The following FAR2 variants were observed in gnomAD, a reference collection of about 807,000 sequenced individuals.
FAR2 encodes epididymis secretory protein Li 81.
Under a neutral mutation model 56.0 loss-of-function variants are expected in FAR2, and 19 were observed. The observed-to-expected ratio is 0.34, with a 90% confidence interval of 0.24 to 0.50. The LOEUF (loss-of-function observed/expected upper bound fraction) is 0.50. Ranked by LOEUF, FAR2 falls within the 20% of genes least tolerant of loss-of-function variation. The pLI, the probability that FAR2 is intolerant of heterozygous loss-of-function variation, is 0.98. For missense variants in FAR2, 508 were observed against 642.2 expected, an observed-to-expected ratio of 0.79 and a Z score of 2.26; for synonymous variants, 219 against 218.8, an observed-to-expected ratio of 1.00 and a Z score of -0.01.
chr12:29,326,791 A>G (rs1949655453), intron 10 of FAR2, among the ~76,000 whole-genome samples: 1 of 152,078 alleles, frequency 6.6e-6, no homozygotes, highest in South Asian at 2.1e-4. Context: ...CCCACAGCCA[A>G]TATCATACTG....
chr12:29,271,031 G>A (rs1329125758), intron 2 of FAR2, among the ~76,000 whole-genome samples: 1 of 152,038 alleles, frequency 6.6e-6, no homozygotes, highest in Admixed American at 6.6e-5. Flanking sequence ...CTATTCTATT[G>A]CTTAGGGAGC....
rs777960591 is a variant in FAR2, at chr12:29,311,232, T to C, written c.887+86T>C. 3.6e-4 allele frequency: 324 copies of C among 901,828 alleles called. 4 individuals carry two copies. Among genetic ancestry groups the C allele is most frequent in the South Asian group, 1.4e-3 (103 of 72,526 alleles). 55.9% of individuals were successfully genotyped at this position (901,828 alleles called of 1,614,324 possible). ...CCATTTTCCAAATATAGGCATTTCA[T>C]TGTACAAGACCCCAAATGTGTGAAA... On this transcript the variant is annotated intron_variant, in intron 7 of 11. Transcript: ENST00000536681.
chr12:29,191,960 C>T (rs560859259), intron 1 of FAR2, among the ~76,000 whole-genome samples: 2 of 152,028 alleles, frequency 1.3e-5, no homozygotes, highest in South Asian at 4.1e-4. Flanking sequence ...GACTACTACT[C>T]CTTTAAAATA....
Position 29,284,060 on chromosome 12 carries a change from T to C in FAR2, c.190-9240T>C, listed in dbSNP as rs117790964. 5.9e-3 allele frequency among the ~76,000 whole-genome samples: 893 copies of C among 152,266 alleles called. 1 individual carries two copies. Among genetic ancestry groups the C allele is most frequent in the Non-Finnish European group, 9.9e-3 (670 of 67,998 alleles). On this transcript the variant is annotated intron_variant, in intron 2 of 11. Coordinates refer to ENST00000536681, the MANE Select transcript of FAR2 (RefSeq NM_001271783.2). ...AACAACCATGTCCCACGTCTATCTG[T>C]TTAGGATCTTAAGTTGCTAATAATC...
At chr12:29,167,021 C>G (rs1299755747) in intron 1 of FAR2, among the ~76,000 whole-genome samples, 1 of 152,150 alleles carries the variant, frequency 6.6e-6, no homozygotes, top group Non-Finnish European at 1.5e-5. Flanking sequence ...TATTCCTACC[C>G]TTTTTATTTG....
intron 9 of FAR2, among the ~76,000 whole-genome samples, chr12:29,319,595 A>G (rs1199567156): frequency 1.3e-5 from 2 of 152,140 alleles, no homozygotes; most frequent in East Asian, 1.9e-4. Flanking sequence ...AGCTTTGACT[A>G]TAAAGCTTTT....
At position 29,192,291 on chromosome 12, in the gene FAR2, A is replaced by G. The variant is rs73265780; in HGVS notation, c.-39+42884A>G. ...AAATTTGATTTATGCACATTTTATG[A>G]TTTTGCAAATGTGAATATTCTGAGT... is the stretch of plus-strand genomic sequence containing the variant. On this transcript the variant is annotated intron_variant, in intron 1 of 11. Coordinates refer to ENST00000536681, the MANE Select transcript of FAR2 (RefSeq NM_001271783.2). Among the ~76,000 whole-genome samples the G allele has an allele frequency of 2.2e-3, 330 of 152,322 alleles. 2 individuals carry two copies. Among genetic ancestry groups the G allele is most frequent in the African/African-American group, 7.5e-3 (311 of 41,588 alleles).
intron 1 of FAR2, among the ~76,000 whole-genome samples, chr12:29,153,273 G>T (rs563853222): frequency 2.6e-5 from 4 of 152,248 alleles, no homozygotes; most frequent in African/African-American, 9.6e-5. Flanking sequence ...GTTCTGAGAA[G>T]GCTTGCTCTT....
At chr12:29,153,338 TA>T (rs35811111) in intron 1 of FAR2, among the ~76,000 whole-genome samples, 2,767 of 149,426 alleles carry the variant, frequency 0.019, 57 homozygotes, top group African/African-American at 0.059. Flanking sequence ...TTAACTTGAC[TA>T]AAAAAAAAAT....
chr12:29,236,267 G>A (rs145563437), intron 1 of FAR2, among the ~76,000 whole-genome samples: 77 of 152,166 alleles, frequency 5.1e-4, no homozygotes, highest in African/African-American at 1.6e-3. Context: ...AAACAGATGC[G>A]CTTTTGTTAC....
chr12:29,280,444 A>G (rs1247725241), intron 2 of FAR2: 2 of 152,210 alleles, frequency 1.3e-5, no homozygotes, highest in East Asian at 1.9e-4. Context: ...TTTGAAAAAA[A>G]CTTTTTGCGG....
intron 1 of FAR2, among the ~76,000 whole-genome samples, chr12:29,197,823 A>T (rs1950155445): frequency 6.6e-6 from 1 of 152,166 alleles, no homozygotes; most frequent in African/African-American, 2.4e-5. Flanking sequence ...GGCTCTGTTG[A>T]TCATGGCTAT....
intron 1 of FAR2, among the ~76,000 whole-genome samples, chr12:29,203,747 C>A (rs971464233): frequency 1.3e-5 from 2 of 151,952 alleles, no homozygotes; most frequent in African/African-American, 4.8e-5. Flanking sequence ...CGCCTGTAAT[C>A]CCAGCACTTT....
intron 1 of FAR2, among the ~76,000 whole-genome samples, chr12:29,255,084 A>G (rs2136683291): frequency 6.6e-6 from 1 of 152,280 alleles, no homozygotes; most frequent in South Asian, 2.1e-4. Flanking sequence ...CTTTGCTTGG[A>G]CTTCCATAAC....
At chr12:29,232,893 A>G (rs1770642172) in intron 1 of FAR2, among the ~76,000 whole-genome samples, 1 of 151,748 alleles carries the variant, frequency 6.6e-6, no homozygotes, top group Non-Finnish European at 1.5e-5. Flanking sequence ...CCTTGGCCAC[A>G]CTATGGACCT....
intron 1 of FAR2, among the ~76,000 whole-genome samples, chr12:29,248,772 C>T (rs930804463): frequency 3.9e-5 from 6 of 152,128 alleles, no homozygotes; most frequent in African/African-American, 1.2e-4. Flanking sequence ...CCACGCCCAG[C>T]GGGGCCAGTT....
intron 10 of FAR2, among the ~76,000 whole-genome samples, chr12:29,323,062 C>T (rs568138236): frequency 7.2e-5 from 11 of 152,358 alleles, no homozygotes; most frequent in East Asian, 3.9e-4. Flanking sequence ...TGTTCCTATT[C>T]GCTCTTCCAA....
At chr12:29,207,634 G>A (rs1417451182) in intron 1 of FAR2, among the ~76,000 whole-genome samples, 2 of 151,978 alleles carry the variant, frequency 1.3e-5, no homozygotes, top group South Asian at 2.1e-4. Context: ...GAATGGACCT[G>A]GGTAAAGTTA....
intron 1 of FAR2, among the ~76,000 whole-genome samples, chr12:29,228,470 T>A (rs1028882426): frequency 1.3e-5 from 2 of 152,240 alleles, no homozygotes; most frequent in Non-Finnish European, 2.9e-5. Context: ...ATAAGATTGA[T>A]TATTTTTGTA....
Sources: allele counts gnomAD v4.1 joint callset (sites outside exome capture counted in the v4.1 genomes callset), GRCh38; gene constraint gnomAD v4.1.1; transcripts MANE v1.5; gene names NCBI Gene and HGNC (gene_info 2026-07-23, HGNC 2026-07-21).